The following CLCN3 variants were observed in gnomAD, a reference collection of about 807,000 sequenced individuals.
The protein encoded by CLCN3 is H(+)/Cl(-) exchange transporter 3.
CLCN3 carries 16 observed loss-of-function variants against 83.4 expected under a neutral mutation model. The observed-to-expected ratio is 0.19, with a 90% CI of 0.13 to 0.29. The LOEUF (loss-of-function observed/expected upper bound fraction) is 0.29, where lower values mean the gene tolerates loss of function less well. Ranked by LOEUF, CLCN3 falls within the 10% of genes least tolerant of loss-of-function variation. The probability of loss-of-function intolerance (pLI) is 1.00; values close to 1 mark genes in which losing one functional copy is unlikely to be tolerated. For synonymous variants in CLCN3, 322 were observed against 346.2 expected (o/e 0.93, Z 0.78); for missense variants, 544 against 1,006.0 (o/e 0.54, Z 6.21).
At chr4:169,672,220 T>TGATAGATA (rs70964217) in intron 2 of CLCN3, among the ~76,000 whole-genome samples, 22,136 of 145,372 alleles carry the variant, frequency 0.15, 1,802 homozygotes, top group Middle Eastern at 0.27. Context: ...TCAAAATAAA[T>TGATAGATA]GATAGATAGA....
At chr4:169,646,457 T>A (rs1006337633) in intron 2 of CLCN3, among the ~76,000 whole-genome samples, 2 of 151,558 alleles carry the variant, frequency 1.3e-5, no homozygotes, top group African/African-American at 4.9e-5. Flanking sequence ...CCCAGCTAAG[T>A]TTTTATACTT....
intron 2 of CLCN3, among the ~76,000 whole-genome samples, chr4:169,639,475 T>C (rs1198288370): frequency 2.0e-5 from 3 of 152,206 alleles, no homozygotes; most frequent in Non-Finnish European, 4.4e-5. Context: ...AAAAAAGATA[T>C]CATTTTGATA....
At chr4:169,626,593 G>T (rs945987483) in intron 1 of CLCN3, among the ~76,000 whole-genome samples, 1 of 152,212 alleles carries the variant, frequency 6.6e-6, no homozygotes, top group African/African-American at 2.4e-5. Flanking sequence ...TTAGAGTTCT[G>T]CCTTGGGTTG....
At chr4:169,699,795 T>A (rs1732706167) in intron 9 of CLCN3, among the ~76,000 whole-genome samples, 1 of 151,960 alleles carries the variant, frequency 6.6e-6, no homozygotes, top group Non-Finnish European at 1.5e-5. Context: ...GGCAAGAGAA[T>A]CACTTAAACC....
At chr4:169,715,149 C>G (rs181919116) in intron 12 of CLCN3, among the ~76,000 whole-genome samples, 1 of 152,194 alleles carries the variant, frequency 6.6e-6, no homozygotes, top group East Asian at 1.9e-4. Flanking sequence ...GAACACAGAA[C>G]TGTTAGGGAT....
intron 7 of CLCN3, 88 bp from the exon 8 acceptor site, chr4:169,695,524 T>G (rs1340949524): frequency 8.5e-6 from 8 of 937,946 alleles, no homozygotes; most frequent in Non-Finnish European, 1.4e-5. Flanking sequence ...AGAAAATCCA[T>G]TTGGAAAATT....
At chr4:169,668,089 T>G (rs1008877174) in intron 2 of CLCN3, among the ~76,000 whole-genome samples, 1 of 146,250 alleles carries the variant, frequency 6.8e-6, no homozygotes, top group Non-Finnish European at 1.5e-5. Context: ...ATATTGTTAG[T>G]CTTTTGGTTA....
chr4:169,661,689 T>A (rs1017988902), intron 2 of CLCN3, among the ~76,000 whole-genome samples: 1 of 152,148 alleles, frequency 6.6e-6, no homozygotes. Context: ...CTTAATAAAA[T>A]TTTGATATAT....
At chr4:169,679,601 A>C (rs1057119481) in intron 2 of CLCN3, among the ~76,000 whole-genome samples, 1 of 152,154 alleles carries the variant, frequency 6.6e-6, no homozygotes, top group African/African-American at 2.4e-5. Context: ...CCTGGGCAAC[A>C]TTGAGCACTG....
rs182427372 is a variant in CLCN3 at position 169,645,823 on chromosome 4, G to A, written c.160+9735G>A. 9.2e-5 allele frequency among the ~76,000 whole-genome samples: 14 copies of A among 152,162 alleles called. No individual in the cohort carries two copies. In the East Asian group the frequency reaches 2.1e-3, roughly 23 times the overall value. On this transcript the variant is annotated intron_variant, in intron 2 of 12. Coordinates refer to ENST00000513761, the MANE Select transcript of CLCN3 (RefSeq NM_001829.4). The stretch of plus-strand genomic sequence containing the variant: ...ACCTTACTACTCAGTTAAAGTTAAG[G>A]GCCCCTCGTATGTAGTAAACTGGGT...
intron 12 of CLCN3, among the ~76,000 whole-genome samples, chr4:169,718,149 T>C (rs1336918223): frequency 6.6e-6 from 1 of 152,208 alleles, no homozygotes; most frequent in Non-Finnish European, 1.5e-5. Flanking sequence ...GTGAATATTA[T>C]TGGACATTCT....
chr4:169,687,204 A>G (rs1732195194), intron 3 of CLCN3, among the ~76,000 whole-genome samples: 1 of 152,208 alleles, frequency 6.6e-6, no homozygotes, highest in African/African-American at 2.4e-5. Flanking sequence ...TGAGGTTCAA[A>G]TTTGATTCAA....
intron 1 of CLCN3, among the ~76,000 whole-genome samples, chr4:169,624,345 G>A (rs138597929): frequency 5.4e-4 from 82 of 152,248 alleles, no homozygotes; most frequent in African/African-American, 1.6e-3. Flanking sequence ...TGTTGGCCAG[G>A]CTGGTCTTGA....
intron 11 of CLCN3, among the ~76,000 whole-genome samples, chr4:169,707,947 C>T (rs1474416557): frequency 6.6e-6 from 1 of 151,996 alleles, no homozygotes. Context: ...TTCTCTTTAC[C>T]TTATAGTCCC....
chr4:169,717,743 CTT>C (rs765945165), intron 12 of CLCN3: 25 of 1,175,440 alleles, frequency 2.1e-5, no homozygotes, highest in Non-Finnish European at 3.1e-5. Context: ...ATTGGAAACT[CTT>C]TTAATTTAAT....
intron 2 of CLCN3, among the ~76,000 whole-genome samples, chr4:169,657,516 A>G (rs1440725809): frequency 1.3e-5 from 2 of 152,192 alleles, no homozygotes; most frequent in Non-Finnish European, 2.9e-5. Flanking sequence ...AAATTTAAGT[A>G]CTTCTAATAT....
At chr4:169,702,250 C>T (rs371015176) in intron 9 of CLCN3, among the ~76,000 whole-genome samples, 16 of 152,068 alleles carry the variant, frequency 1.1e-4, no homozygotes, top group Admixed American at 9.8e-4. Context: ...CCTGTCCTGC[C>T]CTGCTCATGC....
At chr4:169,689,328 A>G in intron 5 of CLCN3, 98 bp downstream of exon 5, 1 of 991,260 alleles carries the variant, frequency 1.0e-6, no homozygotes, top group Non-Finnish European at 1.5e-6. Context: ...AGATGATTAC[A>G]TACACATCAA....
At chr4:169,709,851 T>A (rs1197345621) in intron 11 of CLCN3, among the ~76,000 whole-genome samples, 1 of 152,040 alleles carries the variant, frequency 6.6e-6, no homozygotes, top group Non-Finnish European at 1.5e-5. Flanking sequence ...AAAATATTTT[T>A]AAATGGGAGG....
Sources: allele counts gnomAD v4.1 joint callset (sites outside exome capture counted in the v4.1 genomes callset), GRCh38; gene constraint gnomAD v4.1.1; transcripts MANE v1.5; gene names NCBI Gene and HGNC (gene_info 2026-07-23, HGNC 2026-07-21).